NBPF12: variants seen among roughly 807,000 people sequenced by gnomAD.
NBPF12 encodes the protein NBPF member 12, also known as NBPF family member NBPF12.
A neutral mutation model predicts 146.4 loss-of-function variants in NBPF12; 115 were observed. That is an observed-to-expected ratio of 0.79 (90% CI 0.68 to 0.92). The LOEUF is 0.92. NBPF12 is among the 40% of genes least tolerant of loss of function. The pLI, the probability that NBPF12 is intolerant of heterozygous loss-of-function variation, is 0.00. For synonymous variants in NBPF12, 385 were observed against 508.9 expected, an observed-to-expected ratio of 0.76 and a Z score of 3.28; for missense variants, 1,205 against 1,326.8, an observed-to-expected ratio of 0.91 and a Z score of 1.43.
chr1:146,949,685 T>C (rs1378897839), intron 1 of NBPF12, among the ~76,000 whole-genome samples: 3 of 137,736 alleles, frequency 2.2e-5, no homozygotes, highest in Admixed American at 7.3e-5. Flanking sequence ...TATGTTTTTT[T>C]CCTAGAGCTC....
chr1:146,985,887 G>A, intron 23 of NBPF12, 131 bp downstream of exon 26: 2 of 669,582 alleles, frequency 3.0e-6, no homozygotes, highest in Non-Finnish European at 5.3e-6. Flanking sequence ...CATTGCTGTT[G>A]GTTTTCATTG....
intron 16 of NBPF12, among the ~76,000 whole-genome samples, chr1:146,976,701 T>C (rs1245203662): frequency 1.3e-5 from 2 of 151,862 alleles, no homozygotes; most frequent in African/African-American, 4.9e-5. Context: ...AAGCAAAAGA[T>C]CTTTTCAGTA....
chr1:146,967,368 G>C (rs1436268179), intron 9 of NBPF12, among the ~76,000 whole-genome samples: 5 of 150,958 alleles, frequency 3.3e-5, no homozygotes, highest in Non-Finnish European at 7.4e-5. Context: ...GGGCGTGGTG[G>C]CAGGTGACTG....
At chr1:146,975,247 G>C (rs1214565825) in intron 15 of NBPF12, among the ~76,000 whole-genome samples, 1 of 135,230 alleles carries the variant, frequency 7.4e-6, no homozygotes, top group East Asian at 2.4e-4. Context: ...TCTCGACCCT[G>C]TCATTCTTTT....
chr1:146,973,461 A>G (rs1656788219), intron 14 of NBPF12, among the ~76,000 whole-genome samples: 1 of 150,788 alleles, frequency 6.6e-6, no homozygotes, highest in African/African-American at 2.5e-5. Context: ...TGCTCCTAAT[A>G]GAACCTGTGC....
chr1:146,978,490 C>G (rs1657189733), intron 18 of NBPF12, among the ~76,000 whole-genome samples: 1 of 149,384 alleles, frequency 6.7e-6, no homozygotes, highest in Admixed American at 6.8e-5. Flanking sequence ...GTCCTGAACT[C>G]ATGACCTCAA....
Position 146,994,390 on chromosome 1 carries a change from A to G in NBPF12, c.4189A>G (p.Arg1397Gly), listed in dbSNP as rs782285375. The change falls in exon 34 of 34, where the codon AGA (arginine) becomes GGA (glycine). Residue 1397 changes from arginine (R) to glycine (G), a missense_variant. Transcript: ENST00000617844. ...TGAAGTCTTGCAGGACTCACTGGAT[A>G]GATGTTATTCGACTCCATCAATGTA... 1.1e-5 allele frequency: 18 copies of G among 1,612,404 alleles called. No individual in the cohort carries two copies. The African/African-American group carries it at 1.6e-4, about 14-fold the overall frequency.
upstream of NBPF12, among the ~76,000 whole-genome samples, chr1:146,945,297 C>T (rs1237555470): frequency 6.6e-6 from 1 of 151,310 alleles, no homozygotes; most frequent in Non-Finnish European, 1.5e-5. Flanking sequence ...GTCCTCCCAG[C>T]CTCCTCCTCC....
intron 16 of NBPF12, among the ~76,000 whole-genome samples, chr1:146,976,324 A>G (rs1362292149): frequency 1.2e-4 from 17 of 146,602 alleles, no homozygotes; most frequent in African/African-American, 4.2e-4. Flanking sequence ...GTCTCTTGCA[A>G]GGGTCTGAAG....
At chr1:146,978,975 TGAGGAA>T in exon 19 of NBPF12, 1 of 481,628 alleles carries the variant, frequency 2.1e-6, no homozygotes, top group Non-Finnish European at 3.5e-6. Flanking sequence ...AAAGTGATGA[TGAGGAA>T]GAGGAAGAAA....
chr1:146,965,123 G>T lies in NBPF12; in HGVS notation c.778+19G>T, dbSNP rs1656104537. On this transcript the variant is annotated intron_variant, in intron 8 of 33. Coordinates refer to ENST00000617844, the Ensembl canonical transcript of NBPF12. ...CTCCCAGGTAGCCTCTATTTTCCTT[G>T]TGTCTCATACCTCTGTCTAGGCTAT... 20 of 1,345,784 alleles carry T rather than the reference G, an allele frequency of 1.5e-5. No individual in the cohort carries two copies. The highest frequency in any genetic ancestry group is 1.8e-5 in the Non-Finnish European group (17 of 938,652). The allele number at this position is 1,345,784 out of a possible 1,614,324, so 83.4% of individuals were successfully genotyped here. A position where few individuals can be genotyped will look rare whatever the true frequency, so the allele number is the denominator to read the frequency against.
At chr1:146,953,461 A>G (rs1655410735) in intron 2 of NBPF12, among the ~76,000 whole-genome samples, 1 of 132,774 alleles carries the variant, frequency 7.5e-6, no homozygotes. Context: ...CGCCCGCCTC[A>G]GCCTCCCAAA....
At chr1:146,972,492 T>TTTCTACCC (rs1469169947) in intron 13 of NBPF12, among the ~76,000 whole-genome samples, 1 of 151,562 alleles carries the variant, frequency 6.6e-6, no homozygotes, top group Non-Finnish European at 1.5e-5. Flanking sequence ...GGTAAAAATC[T>TTTCTACCC]CAGGGCCAAG....
At chr1:146,948,547 A>G (rs1171925493), upstream of NBPF12, among the ~76,000 whole-genome samples, 4 of 151,882 alleles carry the variant, frequency 2.6e-5, no homozygotes, top group African/African-American at 9.7e-5. Flanking sequence ...TGAAGGCAGC[A>G]TGCTTGTTAA....
rs1489774543 is a variant in NBPF12 at position 146,969,370 on chromosome 1, G to T, written c.1092-12G>T. On this transcript the variant is annotated splice_polypyrimidine_tract_variant and intron_variant, in intron 10 of 33. Transcript: ENST00000617844. The stretch of plus-strand genomic sequence containing the variant: ...TTTCCACTCTTAAATTTTCTCTACC[G>T]TCTCACCTTAGGCAATATAAAGTCC... 1.2e-5 allele frequency: 10 copies of T among 850,156 alleles called. No individual in the cohort carries two copies. In the East Asian group the frequency reaches 2.3e-4, roughly 20 times the overall value. 52.7% of individuals were successfully genotyped at this position (850,156 alleles called of 1,614,324 possible).
chr1:146,972,924 G>C lies in NBPF12; in HGVS notation c.1765G>C (p.Val589Leu), dbSNP rs1553886820. 2.8e-3 allele frequency: 2,723 copies of C among 976,906 alleles called. 89 individuals carry two copies. In the African/African-American group the frequency reaches 0.031, roughly 11 times the overall value. 60.5% of individuals were successfully genotyped at this position (976,906 alleles called of 1,614,324 possible). A position where few individuals can be genotyped will look rare whatever the true frequency, so the allele number is the denominator to read the frequency against. ...CAAAGAGAAATGTTTTGTAACTCAA[G>C]TGGCCTGCTTCCTGGCCAAGCAGCA... Residue 589 changes from valine to leucine, a missense_variant, in exon 14 of 34, where the codon GTG (valine) becomes CTG (leucine). By Grantham distance (32) the Val-to-Leu change is conservative. Transcript: ENST00000617844.
chr1:146,974,454 C>T (rs1656860447), intron 14 of NBPF12, among the ~76,000 whole-genome samples: 1 of 130,566 alleles, frequency 7.7e-6, no homozygotes, highest in Non-Finnish European at 1.6e-5. Flanking sequence ...AATTCAGAGT[C>T]AGACCTCAGG....
At chr1:146,960,218 C>T in exon 4 of NBPF12, 2 of 1,073,128 alleles carry the variant, frequency 1.9e-6, no homozygotes, top group Admixed American at 1.8e-5. Context: ...AGAAATTGCG[C>T]CCCCAGTTGG....
At chr1:146,965,089 C>T in exon 8 of NBPF12, 1 of 1,594,124 alleles carries the variant, frequency 6.3e-7, no homozygotes, top group Non-Finnish European at 8.6e-7. Flanking sequence ...TCAGGATGCT[C>T]TAAACATTCT....
Sources: gnomAD v4.1 joint callset for allele counts (sites outside exome capture counted in the v4.1 genomes callset) on GRCh38, gnomAD v4.1.1 for gene constraint, MANE v1.5 for transcripts, NCBI Gene and HGNC (gene_info 2026-07-23, HGNC 2026-07-21) for gene names.